Variants in MEI1 observed in about 807,000 individuals in gnomAD.
MEI1 encodes the protein meiotic double-stranded break formation protein 1, also known as meiosis inhibitor protein 1.
In MEI1, 103 loss-of-function variants were observed where a neutral mutation model predicts 146.2. That is an observed-to-expected ratio of 0.70 (90% confidence interval 0.60 to 0.83). MEI1 has a LOEUF of 0.83. Ranked by LOEUF, MEI1 falls within the 40% of genes least tolerant of loss-of-function variation. The probability of loss-of-function intolerance (pLI) is 0.00; values close to 1 mark genes in which losing one functional copy is unlikely to be tolerated. For missense variants in MEI1, 1,529 were observed against 1,533.0 expected (o/e 1.00, Z 0.04); for synonymous variants, 652 against 628.2 (o/e 1.04, Z -0.57).
At chr22:41,788,570 A>G (rs967917055) in intron 26 of MEI1, among the ~76,000 whole-genome samples, 2 of 151,794 alleles carry the variant, frequency 1.3e-5, no homozygotes, top group East Asian at 2.0e-4. Flanking sequence ...CTTCCTGAGT[A>G]GTTGGGATTA....
At chr22:41,764,386 A>G (rs931775322) in intron 19 of MEI1, among the ~76,000 whole-genome samples, 1 of 152,248 alleles carries the variant, frequency 6.6e-6, no homozygotes, top group East Asian at 1.9e-4. Context: ...TGCTACTAGC[A>G]CAAAGAGAGA....
intron 11 of MEI1, among the ~76,000 whole-genome samples, chr22:41,734,291 T>C (rs1417885825): frequency 1.3e-5 from 2 of 151,954 alleles, no homozygotes; most frequent in Non-Finnish European, 2.9e-5. Context: ...GGGACGACTA[T>C]GCAATGTCAA....
chr22:41,796,367 T>C (rs558789507), intron 30 of MEI1, among the ~76,000 whole-genome samples: 1 of 137,732 alleles, frequency 7.3e-6, no homozygotes, highest in South Asian at 2.3e-4. Flanking sequence ...TTTTTTTTTT[T>C]CTATTTTTAG....
rs1246440963 is a variant in MEI1 at position 41,795,980 on chromosome 22, A to C, written c.3779+133A>C. On this transcript the variant is annotated intron_variant, in intron 30 of 30. Transcript: ENST00000401548. The surrounding 1 kb of genome is among the most constrained non-coding windows in gnomAD (Gnocchi z 4.2). ...ATGAAGAGGTGGGTGATGTTCTGCA[A>C]GGTGTGGCTTTGGCTGACCTGTCTT... 1 of 1,611,420 alleles carries C rather than the reference A, an allele frequency of 6.2e-7. No homozygotes were observed. The highest frequency in any genetic ancestry group is 8.5e-7 in the Non-Finnish European group (1 of 1,179,340).
intron 4 of MEI1, among the ~76,000 whole-genome samples, 162 bp from the exon 5 acceptor site, chr22:41,715,879 A>G (rs1242104496): frequency 6.6e-6 from 1 of 152,182 alleles, no homozygotes; most frequent in African/African-American, 2.4e-5. Context: ...GGGAGTTCCC[A>G]GTCCAGTGGG....
chr22:41,748,001 C>A (rs2073459300), intron 14 of MEI1, 106 bp from the exon 15 acceptor site: 1 of 743,676 alleles, frequency 1.3e-6, no homozygotes, highest in Non-Finnish European at 2.3e-6. Context: ...TTTGTTGTGT[C>A]TTTCAAGTGA....
At chr22:41,785,061 C>T (rs1469736058) in intron 26 of MEI1, among the ~76,000 whole-genome samples, 4 of 150,978 alleles carry the variant, frequency 2.6e-5, no homozygotes, top group African/African-American at 4.9e-5. Context: ...CTTAGCCTCC[C>T]GGGTAGCTGG....
chr22:41,701,016 C>G (rs1356028830), intron 1 of MEI1, among the ~76,000 whole-genome samples: 1 of 150,610 alleles, frequency 6.6e-6, no homozygotes, highest in Non-Finnish European at 1.5e-5. Flanking sequence ...CTCAGCTCAC[C>G]GCAACCTCCG....
At position 41,732,598 on chromosome 22, in the gene MEI1, T is replaced by C; in HGVS notation, c.1326T>C (p.Phe442=). The C allele has an allele frequency of 6.2e-7, 1 of 1,612,880 alleles. No homozygotes were observed. The highest frequency in any genetic ancestry group is 8.5e-7 in the Non-Finnish European group (1 of 1,179,568). ...AAEALKATSA[F]LRKDHQSTPP... is the part of the protein sequence containing the mutation. Reference sequence around the variant, plus strand: ...AGGCCTTGAAGGCCACTTCTGCTTTTCTGAGGTGAGAGACCCAGGCAGGCT... The same window carrying C: ...AGGCCTTGAAGGCCACTTCTGCTTTCCTGAGGTGAGAGACCCAGGCAGGCT... Residue 442 remains phenylalanine (F), a synonymous_variant, in exon 11 of 31, where the codon TTT becomes TTC. Coordinates refer to ENST00000401548, the MANE Select transcript of MEI1 (RefSeq NM_152513.4).
At chr22:41,790,351 C>G (rs745913325) in intron 26 of MEI1, among the ~76,000 whole-genome samples, 8 of 152,130 alleles carry the variant, frequency 5.3e-5, no homozygotes, top group Non-Finnish European at 8.8e-5. Context: ...TCCCAAAGTT[C>G]TGGGATTACA....
intron 5 of MEI1, 139 bp downstream of exon 5, chr22:41,716,285 T>G: frequency 1.7e-6 from 1 of 579,858 alleles, no homozygotes; most frequent in Non-Finnish European, 3.1e-6. Context: ...GTCTGCAAAA[T>G]GTACTGTATG....
chr22:41,776,141 GTACTGATTA>G lies in MEI1; in HGVS notation c.2585_2593del (p.Val862_Ser865delinsGly). 2.5e-6 allele frequency: 4 copies of G among 1,613,944 alleles called. No homozygotes were observed. Among genetic ancestry groups the G allele is most frequent in the Non-Finnish European group, 3.4e-6 (4 of 1,179,880 alleles). ...CAGCCCAGTGGACACAGCTCACAAGGTACTGATTAGCCTGAGGACCTTCCTGAGGAGGAA... is the reference window on the plus strand; with the variant it reads ...CAGCCCAGTGGACACAGCTCACAAGGGCCTGAGGACCTTCCTGAGGAGGAA... On this transcript the variant is annotated inframe_deletion, in exon 21 of 31. Transcript: ENST00000401548.
At chr22:41,769,426 A>G (rs1035650027) in intron 19 of MEI1, among the ~76,000 whole-genome samples, 3 of 152,184 alleles carry the variant, frequency 2.0e-5, no homozygotes, top group Admixed American at 1.3e-4. Context: ...AATGAGTGAA[A>G]GACCTAAATG....
rs774753817 is a variant in MEI1 at position 41,793,981 on chromosome 22, T to G, written c.3427+71T>G. 31 of 1,362,416 alleles carry G rather than the reference T, an allele frequency of 2.3e-5. 1 individual carries two copies. The South Asian group carries it at 3.9e-4, about 17-fold the overall frequency. The allele number at this position is 1,362,416 out of a possible 1,614,324, so 84.4% of individuals were successfully genotyped here. A position where few individuals can be genotyped will look rare whatever the true frequency, so the allele number is the denominator to read the frequency against. ...AGGGAGCAACACCCTTCCACCCTCC[T>G]GCTCCAGCCTTCCATTCCCTTGTGT... On this transcript the variant is annotated intron_variant, in intron 27 of 30. Coordinates refer to ENST00000401548, the MANE Select transcript of MEI1 (RefSeq NM_152513.4).
chr22:41,717,973 C>T (rs964157747), intron 5 of MEI1, 98 bp from the exon 6 acceptor site: 15 of 1,026,826 alleles, frequency 1.5e-5, no homozygotes, highest in East Asian at 2.5e-5. Flanking sequence ...ATTATAGGGA[C>T]TTACCATTAC....
intron 11 of MEI1, among the ~76,000 whole-genome samples, chr22:41,733,916 C>A (rs188830710): frequency 2.0e-5 from 3 of 151,808 alleles, no homozygotes; most frequent in Admixed American, 2.0e-4. Context: ...CACCTGAAGT[C>A]GGGAGTTTGA....
intron 3 of MEI1, among the ~76,000 whole-genome samples, chr22:41,708,996 A>G (rs185204015): frequency 6.6e-6 from 1 of 152,334 alleles, no homozygotes; most frequent in Admixed American, 6.5e-5. Flanking sequence ...GCCAAGAGGA[A>G]GTCTCTCACA....
chr22:41,741,901 G>A (rs1022548964), intron 11 of MEI1, among the ~76,000 whole-genome samples: 3 of 143,616 alleles, frequency 2.1e-5, no homozygotes, highest in Non-Finnish European at 4.5e-5. Flanking sequence ...CTTAGATTGC[G>A]CCACTGTACC....
intron 5 of MEI1, among the ~76,000 whole-genome samples, chr22:41,716,783 G>A (rs576440391): frequency 6.6e-5 from 10 of 150,774 alleles, no homozygotes; most frequent in African/African-American, 1.7e-4. Flanking sequence ...TCTGCCTCCC[G>A]GGTTCACGCC....
Sources: gnomAD v4.1 joint callset for allele counts (sites outside exome capture counted in the v4.1 genomes callset) on GRCh38, gnomAD v4.1.1 for gene constraint, Gnocchi (gnomAD v3.1) non-coding constraint, MANE v1.5 for transcripts, NCBI Gene and HGNC (gene_info 2026-07-23, HGNC 2026-07-21) for gene names.